Variants in AP5Z1 observed in about 807,000 individuals in gnomAD.
The protein encoded by AP5Z1 is adaptor related protein complex 5 subunit zeta 1, also known as AP-5 complex subunit zeta-1.
A neutral mutation model predicts 83.0 loss-of-function variants in AP5Z1; 106 were observed. That is an observed-to-expected ratio of 1.28 (90% CI 1.09 to 1.50). AP5Z1 has a LOEUF of 1.50. Among genes scored for constraint, AP5Z1 ranks in the 40% most tolerant of loss-of-function variants. The pLI is 0.00. For missense variants in AP5Z1, 1,565 were observed against 1,094.2 expected (o/e 1.43, Z -6.07); for synonymous variants, 751 against 514.1 (o/e 1.46, Z -6.23).
chr7:4,790,517 C>G lies in AP5Z1; in HGVS notation c.1864C>G (p.Leu622Val). The change falls in exon 15 of 17, where the codon CTG becomes GTG. Residue 622 changes from leucine to valine, a missense_variant. Coordinates refer to ENST00000649063, the MANE Select transcript of AP5Z1 (RefSeq NM_014855.3). ...CTLKPSLVVE[L>V]ARDLLEFLGS... ...GCTGAAACCCTCCCTGGTGGTGGAG[C>G]TGGCAAGAGACCTGCTGGAGTTCCT... The G allele has an allele frequency of 1.2e-6, 2 of 1,613,196 alleles. No homozygotes were observed. Among genetic ancestry groups the G allele is most frequent in the Non-Finnish European group, 1.7e-6 (2 of 1,179,872 alleles).
intron 10 of AP5Z1, 73 bp downstream of exon 10, chr7:4,786,501 G>A (rs535052454): frequency 4.4e-5 from 69 of 1,558,704 alleles, no homozygotes; most frequent in East Asian, 1.6e-4. Context: ...TCTTTCCAGC[G>A]GGGTTCAGGG....
Position 4,783,834 on chromosome 7 carries a change from G to C in AP5Z1, c.621+36G>C, listed in dbSNP as rs931848378. On this transcript the variant is annotated intron_variant, in intron 5 of 16. Coordinates refer to ENST00000649063, the MANE Select transcript of AP5Z1 (RefSeq NM_014855.3). ...GACTGTTCTGGAACCATGGGGAACAGAGTCACAGACAACCCCTCCCTGAGA... is the reference window on the plus strand; with the variant it reads ...GACTGTTCTGGAACCATGGGGAACACAGTCACAGACAACCCCTCCCTGAGA... 7 of 1,532,488 alleles carry C rather than the reference G, an allele frequency of 4.6e-6. No homozygotes were observed. In the African/African-American group the frequency reaches 8.2e-5, roughly 18 times the overall value. 94.9% of individuals were successfully genotyped at this position (1,532,488 alleles called of 1,614,324 possible). A position where few individuals can be genotyped will look rare whatever the true frequency, so the allele number is the denominator to read the frequency against.
chr7:4,787,884 C>T (rs1157428352), intron 11 of AP5Z1, 108 bp downstream of exon 11: 11 of 1,286,410 alleles, frequency 8.6e-6, no homozygotes, highest in Non-Finnish European at 6.2e-6. Flanking sequence ...CCTCCTTCTT[C>T]CCCCCCCAAC....
Position 4,785,428 on chromosome 7 carries a change from G to A in AP5Z1, c.945G>A (p.Lys315=), listed in dbSNP as rs759109015. Residue 315 remains lysine (K), a synonymous_variant, in exon 8 of 17, where the codon AAG becomes AAA. Transcript: ENST00000649063. ...CCCTCCTTCCAGGAGCCCTGAGGAA[G>A]GGGGACTCCGACCTGCAGAAAGCTG... The part of the protein sequence containing the change: ...IEQSNRRALR[K]GDSDLQKACL... The A allele has an allele frequency of 1.2e-6, 2 of 1,613,346 alleles. No homozygotes were observed. Among genetic ancestry groups the A allele is most frequent in the East Asian group, 2.2e-5 (1 of 44,860 alleles).
chr7:4,789,389 G>C (rs1284850878), intron 13 of AP5Z1, among the ~76,000 whole-genome samples: 1 of 152,098 alleles, frequency 6.6e-6, no homozygotes, highest in African/African-American at 2.4e-5. Context: ...TGATAATTCA[G>C]CATCCCCATC....
intron 11 of AP5Z1, 70 bp from the exon 12 acceptor site, chr7:4,788,084 C>G (rs1012060635): frequency 5.5e-6 from 8 of 1,454,822 alleles, no homozygotes; most frequent in African/African-American, 1.4e-5. Flanking sequence ...TGCCGTGTGT[C>G]TCCCTGACGG....
intron 1 of AP5Z1, among the ~76,000 whole-genome samples, chr7:4,780,613 A>G (rs1480392050): frequency 6.6e-6 from 1 of 152,044 alleles, no homozygotes; most frequent in African/African-American, 2.4e-5. Flanking sequence ...AAAATACAAA[A>G]AAATTAGCCG....
intron 11 of AP5Z1, 146 bp from the exon 12 acceptor site, chr7:4,788,008 C>A: frequency 7.5e-7 from 1 of 1,329,478 alleles, no homozygotes; most frequent in Non-Finnish European, 1.0e-6. Context: ...GTCTTCACGC[C>A]CAGGCCTGGA....
rs370300896 is a variant in AP5Z1 at position 4,788,929 on chromosome 7, C to T, written c.1685C>T (p.Ala562Val). 30 of 1,611,238 alleles carry T rather than the reference C, an allele frequency of 1.9e-5. No individual in the cohort carries two copies. In the African/African-American group the frequency reaches 3.1e-4, roughly 16 times the overall value. ...CAQAVPTLLQ[A>V]FFSAVTQVAD... is the part of the protein sequence containing the mutation. ...CAGGCCGTGCCCACGCTGCTGCAGG[C>T]ATTCTTCTCAGCAGTGACCCAGGTG... The change falls in exon 13 of 17, where the codon GCA (alanine) becomes GTA (valine). Residue 562 changes from alanine (A) to valine (V), a missense_variant. Physicochemically the swap from Ala to Val is moderately conservative, Grantham distance 64. Coordinates refer to ENST00000649063, the MANE Select transcript of AP5Z1 (RefSeq NM_014855.3).
Position 4,784,991 on chromosome 7 carries a change from C to T in AP5Z1, c.874C>T (p.Arg292Trp), listed in dbSNP as rs199760184. ...SAGRLLPPRE[R>W]LREVAFEYCQ... ...CGGCCGCCTGCTGCCGCCCCGGGAG[C>T]GGCTTCGGGAGGTGGCCTTCGAGTA... The change falls in exon 7 of 17, where the codon CGG (arginine) becomes TGG (tryptophan). Residue 292 changes from arginine to tryptophan, a missense_variant. Transcript: ENST00000649063. 3.6e-4 allele frequency: 576 copies of T among 1,611,576 alleles called. 1 individual carries two copies. The highest frequency in any genetic ancestry group is 4.4e-4 in the Non-Finnish European group (519 of 1,179,370).
In AP5Z1 at chr7:4,789,918, C is replaced by A. The variant is rs374673921; in HGVS notation, c.1794C>A (p.Ala598=). The change falls in exon 14 of 17, where the codon GCC becomes GCA. Residue 598 remains alanine, a synonymous_variant. Coordinates refer to ENST00000649063, the MANE Select transcript of AP5Z1 (RefSeq NM_014855.3). ...DSLYPAPGYA[A]GVHSVLSSQF... ...TCTACCCGGCCCCAGGGTACGCTGC[C>A]GGTGTGCACAGGTAGGTCCCTCCTG... is the stretch of plus-strand genomic sequence containing the variant. The A allele has an allele frequency of 1.4e-5, 22 of 1,545,680 alleles. No homozygotes were observed. The African/African-American group carries it at 2.3e-4, about 16-fold the overall frequency.
rs746645324 is a variant in AP5Z1 at position 4,788,264 on chromosome 7, T to C, written c.1565T>C (p.Leu522Pro). 1 of 1,590,880 alleles carries C rather than the reference T, an allele frequency of 6.3e-7. No individual in the cohort carries two copies. The highest frequency in any genetic ancestry group is 1.3e-5 in the African/African-American group (1 of 74,476). ...TTCCAGGGTCTTTTCCAATACCTGC[T>C]GCGCCCCAAGGCCAGTGGCGCCACT... ...PQFQGLFQYL[L>P]RPKASGATER... The change falls in exon 12 of 17, where the codon CTG (leucine) becomes CCG (proline). Residue 522 changes from leucine (L) to proline (P), a missense_variant. Physicochemically the swap from Leu to Pro is moderately conservative, Grantham distance 98. Coordinates refer to ENST00000649063, the MANE Select transcript of AP5Z1 (RefSeq NM_014855.3).
At position 4,781,753 on chromosome 7, in the gene AP5Z1, A is replaced by G. The variant is rs1451060166; in HGVS notation, c.365A>G (p.Gln122Arg). 1 of 1,557,150 alleles carries G rather than the reference A, an allele frequency of 6.4e-7. No homozygotes were observed. The stretch of plus-strand genomic sequence containing the variant: ...CTGGTGGCCTCCGTTCTCTTGGCCC[A>G]GGTAGCGCAGCAGTCACCACCCCAG... The part of the protein sequence containing the change: ...LSLVASVLLA[Q>R]GDRNEEVRAV... Residue 122 changes from glutamine (Q) to arginine (R), a missense_variant and splice_region_variant, in exon 3 of 17, where the codon CAG becomes CGG. Gln to Arg is a conservative substitution (Grantham distance 43). Coordinates refer to ENST00000649063, the MANE Select transcript of AP5Z1 (RefSeq NM_014855.3).
At position 4,781,597 on chromosome 7, in the gene AP5Z1, A is replaced by G; in HGVS notation, c.209A>G (p.Gln70Arg). Residue 70 changes from glutamine (Q) to arginine (R), a missense_variant, in exon 3 of 17, where the codon CAG becomes CGG. Gln to Arg is a conservative substitution (Grantham distance 43). Coordinates refer to ENST00000649063, the MANE Select transcript of AP5Z1 (RefSeq NM_014855.3). The stretch of plus-strand genomic sequence containing the variant: ...GAGAAGACATGCGTAGACCTGCTGC[A>G]GGCCACCCTCGGCCTGCCTGCATGC... Reference protein sequence around the residue: ...RLEKTCVDLLQATLGLPACPE... With the variant: ...RLEKTCVDLLRATLGLPACPE... The G allele has an allele frequency of 6.2e-7, 1 of 1,609,322 alleles. No individual in the cohort carries two copies.
At chr7:4,781,543 C>T (rs1282090490) in intron 2 of AP5Z1, 25 bp from the exon 3 acceptor site, 1 of 1,599,062 alleles carries the variant, frequency 6.3e-7, no homozygotes, top group South Asian at 1.1e-5. Flanking sequence ...GTGTTACCGC[C>T]CACCACGGGC....
chr7:4,784,576 C>T (rs1005373517), intron 6 of AP5Z1, among the ~76,000 whole-genome samples: 26 of 152,206 alleles, frequency 1.7e-4, no homozygotes, highest in Admixed American at 1.1e-3. Flanking sequence ...GGGTCAGCAC[C>T]GGGGATCCTC....
At chr7:4,791,092 A>G (rs1781753704) in intron 16 of AP5Z1, 23 bp from the exon 17 acceptor site, 1 of 1,551,274 alleles carries the variant, frequency 6.4e-7, no homozygotes, top group African/African-American at 1.4e-5. Flanking sequence ...TCTGCAGCTG[A>G]CGGAGGGACC....
At chr7:4,788,714 CGA>C in intron 12 of AP5Z1, 124 bp from the exon 13 acceptor site, 1 of 833,278 alleles carries the variant, frequency 1.2e-6, no homozygotes, top group Non-Finnish European at 1.8e-6. Flanking sequence ...CAGGAGGTCC[CGA>C]GAGGCGATGA....
At chr7:4,779,480 ATATT>A (rs1781323059) in intron 1 of AP5Z1, among the ~76,000 whole-genome samples, 2 of 143,760 alleles carry the variant, frequency 1.4e-5, no homozygotes, top group African/African-American at 2.6e-5. Context: ...TTATATATAT[ATATT>A]TTTTTTTGAA....
Sources: gnomAD v4.1 joint callset for allele counts (sites outside exome capture counted in the v4.1 genomes callset) on GRCh38, gnomAD v4.1.1 for gene constraint, MANE v1.5 for transcripts, NCBI Gene and HGNC (gene_info 2026-07-23, HGNC 2026-07-21) for gene names.